CPPED1: variants seen among roughly 807,000 people sequenced by gnomAD.
The protein encoded by CPPED1 is serine/threonine-protein phosphatase CPPED1.
In CPPED1, 28 loss-of-function variants were observed where a neutral mutation model predicts 28.0. That is an observed-to-expected ratio of 1.00 (90% CI 0.74 to 1.37). CPPED1 has a LOEUF of 1.37. Among genes scored for constraint, CPPED1 ranks in the 40% most tolerant of loss-of-function variants. CPPED1 has a pLI of 0.00. For missense variants in CPPED1, 504 were observed against 416.5 expected (o/e 1.21, Z -1.83); for synonymous variants, 198 against 180.2 (o/e 1.10, Z -0.79).
At chr16:12,772,123 AAAAACAAAAC>A (rs914790170) in intron 2 of CPPED1, among the ~76,000 whole-genome samples, 3 of 152,088 alleles carry the variant, frequency 2.0e-5, no homozygotes, top group African/African-American at 7.2e-5. Flanking sequence ...ACTCTGTCTG[AAAAACAAAAC>A]AAAACAAAAC....
intron 2 of CPPED1, among the ~76,000 whole-genome samples, chr16:12,712,098 G>C (rs2080083179): frequency 6.6e-6 from 1 of 152,190 alleles, no homozygotes; most frequent in South Asian, 2.1e-4. Flanking sequence ...ACGTTTACCT[G>C]ACAACTCGTT....
At chr16:12,665,793 C>G (rs1355589760) in intron 3 of CPPED1, among the ~76,000 whole-genome samples, 6 of 152,250 alleles carry the variant, frequency 3.9e-5, no homozygotes, top group African/African-American at 1.2e-4. Flanking sequence ...GGCGTGGTGG[C>G]AGGTGCCTGC....
intron 2 of CPPED1, among the ~76,000 whole-genome samples, chr16:12,729,619 A>G (rs1440817330): frequency 6.6e-6 from 1 of 152,250 alleles, no homozygotes; most frequent in Non-Finnish European, 1.5e-5. Flanking sequence ...GCCACTGAGC[A>G]GAAATGACTC....
intron 2 of CPPED1, among the ~76,000 whole-genome samples, chr16:12,777,774 C>T (rs1283165533): frequency 6.6e-6 from 1 of 151,836 alleles, no homozygotes; most frequent in Non-Finnish European, 1.5e-5. Flanking sequence ...TAGCATCTAA[C>T]ACTGTAATTG....
rs1479914047 is a variant in CPPED1 at position 12,660,867 on chromosome 16, C to G, written c.*4019G>C. On this transcript the variant is annotated 3_prime_UTR_variant, in exon 4 of 4. Transcript: ENST00000381774. ...GTGGCCAACGCCTGTAATCCCAACA[C>G]TTTGGGAGGCCAAGGTGGAAGGACT... The G allele has an allele frequency of 1.3e-5, 2 of 152,388 alleles. No homozygotes were observed. Among genetic ancestry groups the G allele is most frequent in the Non-Finnish European group, 2.9e-5 (2 of 68,184 alleles). 9.4% of individuals were successfully genotyped at this position (152,388 alleles called of 1,614,324 possible).
At chr16:12,736,345 G>C (rs527668445) in intron 2 of CPPED1, among the ~76,000 whole-genome samples, 2 of 151,210 alleles carry the variant, frequency 1.3e-5, no homozygotes, top group African/African-American at 4.9e-5. Context: ...TCCCAGGTTC[G>C]AGTGATTCTC....
At chr16:12,802,785 G>T (rs1163175091) in intron 1 of CPPED1, among the ~76,000 whole-genome samples, 1 of 152,194 alleles carries the variant, frequency 6.6e-6, no homozygotes, top group Non-Finnish European at 1.5e-5. Flanking sequence ...GGGAAAGAAC[G>T]GCCTTGGCCC....
At chr16:12,718,693 T>C (rs367669145) in intron 2 of CPPED1, among the ~76,000 whole-genome samples, 1 of 152,142 alleles carries the variant, frequency 6.6e-6, no homozygotes, top group African/African-American at 2.4e-5. Context: ...CTGGGAGCGG[T>C]GGCTCACGCC....
chr16:12,727,797 T>A (rs961984551), intron 2 of CPPED1, among the ~76,000 whole-genome samples: 4 of 152,060 alleles, frequency 2.6e-5, no homozygotes, highest in African/African-American at 2.4e-5. Flanking sequence ...TCGTAAATTA[T>A]CCCCCCTTGC....
At chr16:12,736,992 C>G (rs1472084852) in intron 2 of CPPED1, among the ~76,000 whole-genome samples, 1 of 152,014 alleles carries the variant, frequency 6.6e-6, no homozygotes, top group African/African-American at 2.4e-5. Context: ...GAGTTTCAGA[C>G]CAGCCTGGCT....
In CPPED1 at chr16:12,666,355, T is replaced by G. The variant is rs544869920; in HGVS notation, c.716-1240A>C. Among the ~76,000 whole-genome samples the G allele has an allele frequency of 5.3e-5, 8 of 152,038 alleles. No individual in the cohort carries two copies. The South Asian group carries it at 1.7e-3, about 32-fold the overall frequency. ...CACCGGGAGTTCAGCTCTTAGAAGA[T>G]CATAGAGACTGAAAGCATTTTCAGG... On this transcript the variant is annotated intron_variant, in intron 3 of 3. Coordinates refer to ENST00000381774, the MANE Select transcript of CPPED1 (RefSeq NM_018340.3).
chr16:12,763,217 A>G (rs2080420124), intron 2 of CPPED1, among the ~76,000 whole-genome samples: 2 of 150,952 alleles, frequency 1.3e-5, no homozygotes, highest in East Asian at 2.0e-4. Flanking sequence ...GGGCAACAAG[A>G]GCAAGACTCC....
chr16:12,731,623 C>T (rs111461306), intron 2 of CPPED1, among the ~76,000 whole-genome samples: 191 of 151,688 alleles, frequency 1.3e-3, no homozygotes, highest in African/African-American at 4.3e-3. Flanking sequence ...ACCGATAATA[C>T]GGAAATGGGG....
intron 2 of CPPED1, among the ~76,000 whole-genome samples, chr16:12,705,801 C>T (rs544729461): frequency 1.3e-5 from 2 of 152,338 alleles, no homozygotes; most frequent in East Asian, 3.9e-4. Context: ...GCCACCGCGC[C>T]GGGCAGAACA....
intron 3 of CPPED1, among the ~76,000 whole-genome samples, chr16:12,700,459 C>G (rs968276605): frequency 6.6e-6 from 1 of 152,222 alleles, no homozygotes; most frequent in Non-Finnish European, 1.5e-5. Flanking sequence ...GGCATGATCT[C>G]GGCTCATTGC....
intron 3 of CPPED1, among the ~76,000 whole-genome samples, chr16:12,668,152 T>A (rs776444879): frequency 6.6e-6 from 1 of 152,138 alleles, no homozygotes; most frequent in Non-Finnish European, 1.5e-5. Flanking sequence ...AAAAGACATG[T>A]TTGGAACATA....
intron 2 of CPPED1, among the ~76,000 whole-genome samples, chr16:12,774,802 G>C (rs2141234875): frequency 6.6e-6 from 1 of 151,994 alleles, no homozygotes; most frequent in South Asian, 2.1e-4. Context: ...AGTGGGACAG[G>C]GTGCTTTTTT....
chr16:12,775,398 C>T (rs186500056), intron 2 of CPPED1, among the ~76,000 whole-genome samples: 21 of 152,322 alleles, frequency 1.4e-4, no homozygotes, highest in African/African-American at 3.4e-4. Context: ...ACTTTTCCTG[C>T]AGCACTGCCA....
At chr16:12,783,507 A>T (rs1214443000) in intron 1 of CPPED1, among the ~76,000 whole-genome samples, 3 of 149,506 alleles carry the variant, frequency 2.0e-5, no homozygotes, top group Non-Finnish European at 4.4e-5. Flanking sequence ...CTAAATAAAT[A>T]AATTAAATAA....
Sources: gnomAD v4.1 joint callset for allele counts (sites outside exome capture counted in the v4.1 genomes callset) on GRCh38, gnomAD v4.1.1 for gene constraint, MANE v1.5 for transcripts, NCBI Gene and HGNC (gene_info 2026-07-23, HGNC 2026-07-21) for gene names.